MRTFA: variants seen among roughly 807,000 people sequenced by gnomAD.
MRTFA encodes myocardin related transcription factor A, also known as myocardin-related transcription factor A.
In MRTFA, 20 loss-of-function variants were observed where a neutral mutation model predicts 83.5. That is an observed-to-expected ratio of 0.24 (90% CI 0.17 to 0.35). The LOEUF (loss-of-function observed/expected upper bound fraction) is 0.35, where lower values mean the gene tolerates loss of function less well. Ranked by LOEUF, MRTFA falls within the 10% of genes least tolerant of loss-of-function variation. The pLI, the probability that MRTFA is intolerant of heterozygous loss-of-function variation, is 1.00. For synonymous variants in MRTFA, 659 were observed against 541.2 expected (o/e 1.22, Z -3.02); for missense variants, 1,200 against 1,224.7 (o/e 0.98, Z 0.30).
intron 3 of MRTFA, among the ~76,000 whole-genome samples, chr22:40,500,238 A>AT (rs921496252): frequency 9.1e-4 from 129 of 141,026 alleles, no homozygotes; most frequent in South Asian, 1.3e-3. Flanking sequence ...CCAGTCTATG[A>AT]TTTTTTTTTT....
chr22:40,597,725 C>T (rs1300954655), intron 1 of MRTFA, among the ~76,000 whole-genome samples: 6 of 152,184 alleles, frequency 3.9e-5, no homozygotes, highest in Admixed American at 1.3e-4. Context: ...CACTGCTTCA[C>T]GCAGAGGAAG....
chr22:40,414,341 GA>G (rs923025656), intron 14 of MRTFA, among the ~76,000 whole-genome samples: 1 of 150,898 alleles, frequency 6.6e-6, no homozygotes, highest in East Asian at 1.9e-4. Context: ...CGTCTCCAAG[GA>G]AAAAAAAAGA....
chr22:40,536,363 C>T (rs796560689), intron 3 of MRTFA, among the ~76,000 whole-genome samples: 22 of 146,548 alleles, frequency 1.5e-4, no homozygotes, highest in South Asian at 1.1e-3. Flanking sequence ...TGGAGTTCAG[C>T]GGGCAGCGGA....
At chr22:40,566,968 AAATGTAAT>A (rs749541442) in intron 2 of MRTFA, among the ~76,000 whole-genome samples, 1 of 152,216 alleles carries the variant, frequency 6.6e-6, no homozygotes, top group Non-Finnish European at 1.5e-5. Context: ...CCCCTAATGA[AAATGTAAT>A]AATGTTGTTT....
chr22:40,576,733 G>A (rs1415682312), intron 2 of MRTFA, among the ~76,000 whole-genome samples: 1 of 152,046 alleles, frequency 6.6e-6, no homozygotes, highest in Non-Finnish European at 1.5e-5. Context: ...CAGCTAGTAG[G>A]AAAAACCTCC....
At chr22:40,614,395 AGTGAGACCCTGTCTCC>A (rs964641933) in intron 1 of MRTFA, among the ~76,000 whole-genome samples, 2 of 151,078 alleles carry the variant, frequency 1.3e-5, no homozygotes, top group Non-Finnish European at 3.0e-5. Context: ...TGGGTGACAA[AGTGAGACCCTGTCTCC>A]AAAAAAAAAA....
intron 4 of MRTFA, among the ~76,000 whole-genome samples, chr22:40,446,749 T>A (rs1470200114): frequency 2.6e-5 from 4 of 152,008 alleles, no homozygotes; most frequent in Non-Finnish European, 5.9e-5. Flanking sequence ...GATTAAAGAG[T>A]GAATAAGAAG....
At chr22:40,485,081 A>AG (rs1484050945) in intron 3 of MRTFA, among the ~76,000 whole-genome samples, 2 of 152,090 alleles carry the variant, frequency 1.3e-5, no homozygotes, top group East Asian at 1.9e-4. Context: ...AAAAAAAAAA[A>AG]AAAAATCTAA....
intron 2 of MRTFA, among the ~76,000 whole-genome samples, chr22:40,570,379 T>C (rs1042681465): frequency 1.3e-5 from 2 of 151,126 alleles, no homozygotes; most frequent in Admixed American, 6.6e-5. Context: ...ATCGAGACCA[T>C]CCTTGCCAAC....
At chr22:40,592,504 T>C (rs1377317128) in intron 2 of MRTFA, among the ~76,000 whole-genome samples, 1 of 151,310 alleles carries the variant, frequency 6.6e-6, no homozygotes, top group African/African-American at 2.4e-5. Flanking sequence ...TTTTTTTTTT[T>C]TGGAGACAGG....
At chr22:40,545,593 C>T (rs1013017572) in intron 3 of MRTFA, among the ~76,000 whole-genome samples, 11 of 152,028 alleles carry the variant, frequency 7.2e-5, no homozygotes, top group East Asian at 1.9e-4. Flanking sequence ...CCACCACGCC[C>T]GGCTAATCTT....
rs546913184 is a variant in MRTFA at position 40,615,479 on chromosome 22, T to A, written c.-83-20744A>T. Reference sequence around the variant, plus strand: ...CTTGTATTTCCATGTGAATTTTAGATTCAGAAAGTCAATTTCTCCCCAAAA... The same window carrying A: ...CTTGTATTTCCATGTGAATTTTAGAATCAGAAAGTCAATTTCTCCCCAAAA... On this transcript the variant is annotated intron_variant, in intron 1 of 14. Coordinates refer to ENST00000355630, the MANE Select transcript of MRTFA (RefSeq NM_020831.6). Among the ~76,000 whole-genome samples the A allele has an allele frequency of 2.0e-3, 312 of 152,290 alleles. 4 individuals are homozygous for A. Among genetic ancestry groups the A allele is most frequent in the South Asian group, 5.0e-3 (24 of 4,830 alleles).
At chr22:40,459,727 TCTTCATTCATTC>T (rs1033777761) in intron 4 of MRTFA, among the ~76,000 whole-genome samples, 1 of 149,594 alleles carries the variant, frequency 6.7e-6, no homozygotes, top group African/African-American at 2.5e-5. Flanking sequence ...CAACTGGCTG[TCTTCATTCATTC>T]CTTCATTCAG....
At chr22:40,599,294 G>A (rs1259462695) in intron 1 of MRTFA, among the ~76,000 whole-genome samples, 7 of 152,036 alleles carry the variant, frequency 4.6e-5, no homozygotes, top group Non-Finnish European at 1.0e-4. Context: ...ACGAAACTCC[G>A]TCTCAAACAA....
chr22:40,455,681 T>A (rs1013823770), intron 4 of MRTFA, among the ~76,000 whole-genome samples: 1 of 111,100 alleles, frequency 9.0e-6, no homozygotes, highest in East Asian at 2.5e-4. Context: ...GAGTGGAGGG[T>A]GAGGAGTGGG....
In MRTFA at chr22:40,596,198, C is replaced by A. The variant is rs1442214668; in HGVS notation, c.-83-1463G>T. Reference sequence around the variant, plus strand: ...AATCCTGGCACTCAAAAAAAAATAGCCTCTGTTGTAAATAATTTTTATTAT... The same window carrying A: ...AATCCTGGCACTCAAAAAAAAATAGACTCTGTTGTAAATAATTTTTATTAT... On this transcript the variant is annotated intron_variant, in intron 1 of 14. Transcript: ENST00000355630. 2.0e-5 allele frequency among the ~76,000 whole-genome samples: 3 copies of A among 151,992 alleles called. 1 individual carries two copies. In the South Asian group the frequency reaches 6.2e-4, roughly 31 times the overall value.
chr22:40,568,750 G>A (rs910350145), intron 2 of MRTFA, among the ~76,000 whole-genome samples: 2 of 152,112 alleles, frequency 1.3e-5, no homozygotes, highest in African/African-American at 4.8e-5. Context: ...CTACATCTAA[G>A]TGCAATTACT....
chr22:40,446,224 C>T (rs1055250603), intron 4 of MRTFA, among the ~76,000 whole-genome samples: 2 of 152,190 alleles, frequency 1.3e-5, no homozygotes, highest in Non-Finnish European at 2.9e-5. Flanking sequence ...TGCCTAATAA[C>T]AGTTTTAGCA....
intron 3 of MRTFA, among the ~76,000 whole-genome samples, chr22:40,513,043 G>C (rs577641201): frequency 6.6e-6 from 1 of 152,236 alleles, no homozygotes; most frequent in African/African-American, 2.4e-5. Context: ...TAGAAGAAAG[G>C]AAAGTTTTAC....
Sources: allele counts gnomAD v4.1 joint callset (sites outside exome capture counted in the v4.1 genomes callset), GRCh38; gene constraint gnomAD v4.1.1; transcripts MANE v1.5; gene names NCBI Gene and HGNC (gene_info 2026-07-23, HGNC 2026-07-21).